Variants in DIAPH3 observed in about 807,000 individuals in gnomAD.
The protein encoded by DIAPH3 is protein diaphanous homolog 3.
In DIAPH3, 117 loss-of-function variants were observed where a neutral mutation model predicts 144.3. The ratio of observed to expected loss-of-function variants is 0.81; its 90% confidence interval spans 0.70 to 0.95. DIAPH3 has a LOEUF of 0.95. DIAPH3 is among the 40% of genes least tolerant of loss of function. The pLI is 0.00. For missense variants in DIAPH3, 1,421 were observed against 1,412.7 expected, an observed-to-expected ratio of 1.01 and a Z score of -0.09; for synonymous variants, 519 against 488.9, an observed-to-expected ratio of 1.06 and a Z score of -0.81.
chr13:59,953,260 T>A (rs73212272), intron 17 of DIAPH3, among the ~76,000 whole-genome samples: 10,574 of 152,096 alleles, frequency 0.07, 414 homozygotes, highest in Admixed American at 0.11. Flanking sequence ...GGGTACATCA[T>A]GAAGGTTGCC....
intron 4 of DIAPH3, among the ~76,000 whole-genome samples, chr13:60,050,243 G>A (rs1214493069): frequency 6.6e-6 from 1 of 152,134 alleles, no homozygotes. Flanking sequence ...GCAGAGACCA[G>A]AATGAAGAGG....
At chr13:59,679,461 G>A (rs559125828) in intron 27 of DIAPH3, among the ~76,000 whole-genome samples, 3 of 152,178 alleles carry the variant, frequency 2.0e-5, no homozygotes, top group Non-Finnish European at 2.9e-5. Context: ...CTGTCTTCTC[G>A]GGGCTTTGGG....
chr13:60,004,188 TA>T (rs1275844899), intron 9 of DIAPH3, among the ~76,000 whole-genome samples: 1 of 152,348 alleles, frequency 6.6e-6, no homozygotes, highest in African/African-American at 2.4e-5. Flanking sequence ...AAACAAGTTT[TA>T]TTTTTAATTG....
intron 21 of DIAPH3, among the ~76,000 whole-genome samples, chr13:59,875,039 A>G (rs2044527319): frequency 6.6e-6 from 1 of 152,112 alleles, no homozygotes; most frequent in Non-Finnish European, 1.5e-5. Context: ...TTCACTCTTT[A>G]CCTAAAATCC....
chr13:59,978,485 G>T (rs183484741), intron 14 of DIAPH3, among the ~76,000 whole-genome samples: 2 of 151,580 alleles, frequency 1.3e-5, no homozygotes, highest in African/African-American at 2.4e-5. Flanking sequence ...TAAGGAAAAA[G>T]AATTATTTCG....
chr13:59,814,244 T>A (rs191460568), intron 24 of DIAPH3, among the ~76,000 whole-genome samples: 1 of 152,178 alleles, frequency 6.6e-6, no homozygotes, highest in Non-Finnish European at 1.5e-5. Context: ...AGCATTCCCA[T>A]GGGTAATAAA....
chr13:59,909,257 A>G (rs577584915), intron 20 of DIAPH3, among the ~76,000 whole-genome samples: 1 of 152,272 alleles, frequency 6.6e-6, no homozygotes, highest in South Asian at 2.1e-4. Context: ...ATTCTTTAGT[A>G]AGTTAGCAAA....
intron 25 of DIAPH3, among the ~76,000 whole-genome samples, chr13:59,790,455 T>G (rs17057332): frequency 0.078 from 11,859 of 152,264 alleles, 579 homozygotes; most frequent in South Asian, 0.18. Flanking sequence ...TCAAGTTCTT[T>G]GTTCATTTCT....
chr13:60,127,382 G>A (rs2138192439), intron 2 of DIAPH3, among the ~76,000 whole-genome samples: 1 of 150,946 alleles, frequency 6.6e-6, no homozygotes, highest in Non-Finnish European at 1.5e-5. Flanking sequence ...ATTTAAACAA[G>A]AAAATGTTAA....
At chr13:59,856,927 A>G (rs747900013) in intron 22 of DIAPH3, among the ~76,000 whole-genome samples, 6 of 152,028 alleles carry the variant, frequency 3.9e-5, no homozygotes, top group Non-Finnish European at 8.8e-5. Context: ...GTCTTTTCAT[A>G]ACATTCTAAT....
intron 4 of DIAPH3, among the ~76,000 whole-genome samples, chr13:60,064,689 C>G (rs966211591): frequency 1.3e-5 from 2 of 152,172 alleles, no homozygotes; most frequent in Non-Finnish European, 2.9e-5. Context: ...GCTTTCTTAT[C>G]ATTCACATGT....
intron 17 of DIAPH3, among the ~76,000 whole-genome samples, chr13:59,959,794 T>A (rs1315279812): frequency 6.6e-6 from 1 of 152,238 alleles, no homozygotes; most frequent in African/African-American, 2.4e-5. Context: ...TAAATTTGCA[T>A]TTCTAAAGCT....
rs2054136538 is a variant in DIAPH3 at position 60,023,098 on chromosome 13, G to A, written c.627-6953C>T. On this transcript the variant is annotated intron_variant, in intron 5 of 27. Coordinates refer to ENST00000400324, the MANE Select transcript of DIAPH3 (RefSeq NM_001042517.2). ...TTGCTGTCTGCTCTGCTATTTTCTG[G>A]AACAGACTATGGAAAATTGGCATTA... Among the ~76,000 whole-genome samples, 3 of 152,094 alleles carry A rather than the reference G, an allele frequency of 2.0e-5. No individual in the cohort carries two copies. The South Asian group carries it at 6.2e-4, about 32-fold the overall frequency.
intron 9 of DIAPH3, among the ~76,000 whole-genome samples, chr13:60,004,427 CTTTTT>C (rs1463201492): frequency 3.3e-5 from 5 of 152,006 alleles, no homozygotes; most frequent in Non-Finnish European, 5.9e-5. Context: ...TCTATGTTAC[CTTTTT>C]TTGTTTGTTT....
At chr13:59,847,546 T>C (rs1253264706) in intron 22 of DIAPH3, among the ~76,000 whole-genome samples, 2 of 152,198 alleles carry the variant, frequency 1.3e-5, no homozygotes, top group East Asian at 1.9e-4. Context: ...ACCTATAAGA[T>C]TTCAGAATTC....
intron 7 of DIAPH3, among the ~76,000 whole-genome samples, chr13:60,014,999 G>GTTTTGTT (rs1335425028): frequency 6.6e-6 from 1 of 151,560 alleles, no homozygotes; most frequent in Admixed American, 6.6e-5. Flanking sequence ...GTTTTGTTTT[G>GTTTTGTT]TTTTGTTTTG....
intron 27 of DIAPH3, among the ~76,000 whole-genome samples, chr13:59,727,305 ATTGT>A (rs2035650531): frequency 6.6e-6 from 1 of 152,092 alleles, no homozygotes; most frequent in Non-Finnish European, 1.5e-5. Context: ...AAAAAAAACA[ATTGT>A]TTGTTATTCA....
At chr13:60,016,173 C>A in intron 5 of DIAPH3, 28 bp from the exon 6 acceptor site, 1 of 1,602,998 alleles carries the variant, frequency 6.2e-7, no homozygotes, top group Admixed American at 1.7e-5. Flanking sequence ...GACAGTTACA[C>A]ATTGTCAGTA....
At chr13:60,091,357 G>T (rs2057925498) in intron 4 of DIAPH3, among the ~76,000 whole-genome samples, 1 of 152,162 alleles carries the variant, frequency 6.6e-6, no homozygotes, top group Non-Finnish European at 1.5e-5. Flanking sequence ...ACCTGCAGTG[G>T]CACGATCTCG....
Sources: gnomAD v4.1 joint callset for allele counts (sites outside exome capture counted in the v4.1 genomes callset) on GRCh38, gnomAD v4.1.1 for gene constraint, MANE v1.5 for transcripts, NCBI Gene and HGNC (gene_info 2026-07-23, HGNC 2026-07-21) for gene names.